PLXDC2: variants seen among roughly 807,000 people sequenced by gnomAD.
PLXDC2 encodes the protein plexin domain-containing protein 2.
A neutral mutation model predicts 68.9 loss-of-function variants in PLXDC2; 40 were observed. That is an observed-to-expected ratio of 0.58 (90% CI 0.45 to 0.76). The LOEUF is 0.76. PLXDC2 is among the 30% of genes least tolerant of loss of function. The pLI, the probability that PLXDC2 is intolerant of heterozygous loss-of-function variation, is 0.00. For missense variants in PLXDC2, 644 were observed against 661.9 expected (o/e 0.97, Z 0.30); for synonymous variants, 243 against 234.2 (o/e 1.04, Z -0.34).
intron 1 of PLXDC2, among the ~76,000 whole-genome samples, chr10:19,865,426 A>G (rs1434824589): frequency 6.6e-6 from 1 of 152,198 alleles, no homozygotes; most frequent in Non-Finnish European, 1.5e-5. Flanking sequence ...CATTTTGCAA[A>G]CAGTGAAAAA....
chr10:20,036,290 A>G (rs1245960020), intron 2 of PLXDC2, among the ~76,000 whole-genome samples: 2 of 152,148 alleles, frequency 1.3e-5, no homozygotes, highest in African/African-American at 2.4e-5. Flanking sequence ...TTGTGTTCCT[A>G]TAAGAGGAGG....
chr10:19,856,753 C>G (rs1837221937), intron 1 of PLXDC2, among the ~76,000 whole-genome samples: 1 of 152,160 alleles, frequency 6.6e-6, no homozygotes, highest in Non-Finnish European at 1.5e-5. Flanking sequence ...ACAACTTGTA[C>G]TAAAAATTTG....
chr10:19,971,605 G>A (rs896412165), intron 1 of PLXDC2, among the ~76,000 whole-genome samples: 1 of 152,150 alleles, frequency 6.6e-6, no homozygotes, highest in Non-Finnish European at 1.5e-5. Flanking sequence ...CAGCTTCTGG[G>A]CAAAAGAAAT....
chr10:20,271,958 T>G (rs1835946548), intron 13 of PLXDC2, among the ~76,000 whole-genome samples: 1 of 152,220 alleles, frequency 6.6e-6, no homozygotes, highest in African/African-American at 2.4e-5. Flanking sequence ...TGCCTTATCT[T>G]TAGTACTGTT....
chr10:19,972,558 A>T (rs1241162272), intron 1 of PLXDC2, among the ~76,000 whole-genome samples: 1 of 152,220 alleles, frequency 6.6e-6, no homozygotes, highest in Non-Finnish European at 1.5e-5. Flanking sequence ...CAATTTGCCC[A>T]TGTAACAAAC....
At position 19,904,337 on chromosome 10, in the gene PLXDC2, G is replaced by A. The variant is rs189731860; in HGVS notation, c.112+87146G>A. Among the ~76,000 whole-genome samples the A allele has an allele frequency of 5.7e-3, 867 of 152,138 alleles. 3 individuals are homozygous for A. The highest frequency in any genetic ancestry group is 9.6e-3 in the Non-Finnish European group (656 of 68,000). ...TCTATCTCATTTCTCAGGTCTAGTA[G>A]TAATTACTACTAGATTATGGTTGCC... On this transcript the variant is annotated intron_variant, in intron 1 of 13. Coordinates refer to ENST00000377252, the MANE Select transcript of PLXDC2 (RefSeq NM_032812.9).
At chr10:19,971,130 G>A (rs191608978) in intron 1 of PLXDC2, among the ~76,000 whole-genome samples, 7 of 152,200 alleles carry the variant, frequency 4.6e-5, no homozygotes, top group Admixed American at 2.6e-4. Flanking sequence ...ACAGCCCGTT[G>A]GTGATTATTG....
At chr10:20,008,667 T>A (rs1202094086) in intron 2 of PLXDC2, among the ~76,000 whole-genome samples, 1 of 152,184 alleles carries the variant, frequency 6.6e-6, no homozygotes, top group East Asian at 1.9e-4. Context: ...GGTATAGAGA[T>A]GATGTGGTTT....
At chr10:19,922,224 A>G (rs1328019403) in intron 1 of PLXDC2, among the ~76,000 whole-genome samples, 1 of 152,190 alleles carries the variant, frequency 6.6e-6, no homozygotes, top group Non-Finnish European at 1.5e-5. Flanking sequence ...GAAATGCTCT[A>G]CAGGCTGGCA....
chr10:19,935,251 G>A (rs904360968), intron 1 of PLXDC2, among the ~76,000 whole-genome samples: 4 of 152,170 alleles, frequency 2.6e-5, no homozygotes, highest in South Asian at 2.1e-4. Flanking sequence ...CATCAGCCAC[G>A]TGCTTCTGCG....
intron 1 of PLXDC2, among the ~76,000 whole-genome samples, chr10:19,841,628 A>G (rs1409725654): frequency 6.6e-6 from 1 of 150,958 alleles, no homozygotes; most frequent in Non-Finnish European, 1.5e-5. Context: ...CCTTAGACAG[A>G]TAGACTTCTG....
At chr10:20,198,941 C>A (rs556049028) in intron 9 of PLXDC2, among the ~76,000 whole-genome samples, 1 of 152,058 alleles carries the variant, frequency 6.6e-6, no homozygotes, top group South Asian at 2.1e-4. Flanking sequence ...TGTTATGTTT[C>A]TAACTCAAAG....
intron 1 of PLXDC2, among the ~76,000 whole-genome samples, chr10:19,900,196 A>G (rs1338495252): frequency 1.3e-5 from 2 of 152,230 alleles, no homozygotes; most frequent in Non-Finnish European, 2.9e-5. Context: ...ACACAATAAG[A>G]TTGAAGTACA....
intron 4 of PLXDC2, among the ~76,000 whole-genome samples, chr10:20,068,494 G>A (rs1476147239): frequency 1.3e-5 from 2 of 151,274 alleles, no homozygotes; most frequent in South Asian, 2.1e-4. Context: ...TTCATTTTTG[G>A]TAGTGTGGTA....
chr10:20,198,062 C>G (rs1434229802), intron 9 of PLXDC2, among the ~76,000 whole-genome samples: 4 of 152,014 alleles, frequency 2.6e-5, no homozygotes, highest in Non-Finnish European at 5.9e-5. Flanking sequence ...GTGCTGTAAC[C>G]TTGATTGGAG....
intron 1 of PLXDC2, among the ~76,000 whole-genome samples, chr10:19,963,604 G>A (rs776663382): frequency 4.6e-5 from 7 of 151,954 alleles, no homozygotes; most frequent in African/African-American, 9.7e-5. Context: ...ACCAAACACC[G>A]CATGTTCTCA....
intron 1 of PLXDC2, among the ~76,000 whole-genome samples, chr10:19,844,132 A>G (rs990082707): frequency 1.3e-5 from 2 of 152,222 alleles, no homozygotes; most frequent in Admixed American, 1.3e-4. Flanking sequence ...TTGTATCTGT[A>G]GTGAGCGGTG....
At chr10:20,253,291 G>C (rs913719432) in intron 13 of PLXDC2, among the ~76,000 whole-genome samples, 1 of 151,396 alleles carries the variant, frequency 6.6e-6, no homozygotes, top group East Asian at 1.9e-4. Context: ...CTTGAACCTG[G>C]GAGAAGGAGG....
intron 2 of PLXDC2, among the ~76,000 whole-genome samples, chr10:20,025,100 A>G (rs1266938404): frequency 6.6e-6 from 1 of 152,092 alleles, no homozygotes; most frequent in Non-Finnish European, 1.5e-5. Context: ...CAGCAATTCC[A>G]TTGCTAGTTG....
Sources: allele counts gnomAD v4.1 joint callset (sites outside exome capture counted in the v4.1 genomes callset), GRCh38; gene constraint gnomAD v4.1.1; transcripts MANE v1.5; gene names NCBI Gene and HGNC (gene_info 2026-07-23, HGNC 2026-07-21).